SMARCA4: variants seen among roughly 807,000 people sequenced by gnomAD.
SMARCA4 encodes the protein SWI/SNF-related matrix-associated actin-dependent regulator of chromatin subfamily A member 4.
Under a neutral mutation model 193.9 loss-of-function variants are expected in SMARCA4, and 31 were observed. The observed-to-expected ratio is 0.16, with a 90% CI of 0.12 to 0.22. SMARCA4 has a LOEUF of 0.22. Ranked by LOEUF, SMARCA4 falls within the 10% of genes least tolerant of loss-of-function variation. SMARCA4 has a pLI of 1.00. For synonymous variants in SMARCA4, 942 were observed against 933.1 expected (o/e 1.01, Z -0.17); for missense variants, 1,148 against 2,296.0 (o/e 0.50, Z 10.22).
At chr19:10,963,470 C>T (rs2083973137) in intron 1 of SMARCA4, among the ~76,000 whole-genome samples, 1 of 151,784 alleles carries the variant, frequency 6.6e-6, no homozygotes, top group Non-Finnish European at 1.5e-5. Context: ...TTTGCACTTT[C>T]CAAGCCATTG....
chr19:11,026,074 G>T (rs934101191), intron 22 of SMARCA4, among the ~76,000 whole-genome samples: 1 of 152,246 alleles, frequency 6.6e-6, no homozygotes, highest in Non-Finnish European at 1.5e-5. Context: ...GAAGAGTGCT[G>T]TATGGGATGT....
At chr19:10,996,712 ATGT>A (rs1184399818) in intron 11 of SMARCA4, among the ~76,000 whole-genome samples, 168 bp downstream of exon 11, 1 of 150,772 alleles carries the variant, frequency 6.6e-6, no homozygotes, top group African/African-American at 2.4e-5. Context: ...CACATCCCAC[ATGT>A]TGTGTTTTCT....
chr19:11,039,775 C>CA lies in SMARCA4; in HGVS notation c.4171-1531dup, dbSNP rs538795103. The CA allele has an allele frequency of 4.0e-5, 14 of 350,960 alleles. No individual in the cohort carries two copies. In the South Asian group the frequency reaches 5.4e-4, roughly 14 times the overall value. The allele number at this position is 350,960 out of a possible 1,614,324, so 21.7% of individuals were successfully genotyped here. On this transcript the variant is annotated intron_variant, in intron 29 of 34. Transcript: ENST00000344626. ...TCCAACCAGGGCAATGTAGCAAGAC[C>CA]ACATGTCTAAGAAAATTTAAAAATC...
chr19:11,035,272 C>A, intron 29 of SMARCA4, 140 bp downstream of exon 29: 1 of 819,582 alleles, frequency 1.2e-6, no homozygotes, highest in Non-Finnish European at 2.1e-6. Flanking sequence ...CGCAGGCAGC[C>A]GAGAGCCTTC....
rs2076928520 is a variant in SMARCA4 at position 11,062,128 on chromosome 19, C to T, written c.*312C>T. 1 of 490,040 alleles carries T rather than the reference C, an allele frequency of 2.0e-6. No individual in the cohort carries two copies. Among genetic ancestry groups the T allele is most frequent in the Admixed American group, 3.3e-5 (1 of 30,332 alleles). The allele number at this position is 490,040 out of a possible 1,614,324, so 30.4% of individuals were successfully genotyped here. ...GTACTGTTGCGCCGCAGTTTGGAGTCACTGTAGTTAAGTGTGGATGCATGT... is the reference window on the plus strand; with the variant it reads ...GTACTGTTGCGCCGCAGTTTGGAGTTACTGTAGTTAAGTGTGGATGCATGT... On this transcript the variant is annotated 3_prime_UTR_variant, in exon 35 of 35. Coordinates refer to ENST00000344626, the MANE Select transcript of SMARCA4 (RefSeq NM_003072.5).
At chr19:11,011,086 T>G in intron 15 of SMARCA4, 1 of 205,150 alleles carries the variant, frequency 4.9e-6, no homozygotes, top group Non-Finnish European at 1.0e-5. Flanking sequence ...TGGGCCTGAC[T>G]TGGGACAGTC....
In SMARCA4 at chr19:11,014,462, G is replaced by A. The variant is rs573134677; in HGVS notation, c.2438+1350G>A. ...GGAGCAGGGCGTCCTTGTGCACAGC[G>A]CTGCAGGTAGCTGCACCTCCCCTCG... On this transcript the variant is annotated intron_variant, in intron 16 of 34. Transcript: ENST00000344626. 1.2e-3 allele frequency among the ~76,000 whole-genome samples: 182 copies of A among 152,300 alleles called. 1 individual carries two copies. The highest frequency in any genetic ancestry group is 4.0e-3 in the African/African-American group (166 of 41,552).
chr19:10,968,150 C>T (rs545949397), intron 1 of SMARCA4, among the ~76,000 whole-genome samples: 49 of 152,238 alleles, frequency 3.2e-4, no homozygotes, highest in African/African-American at 1.1e-3. Flanking sequence ...TGCGCCCGGC[C>T]AGTAATTTTG....
At position 11,058,374 on chromosome 19, in the gene SMARCA4, CGTT is replaced by C. The variant is rs747806032; in HGVS notation, c.4533+14_4533+16del. ...TTCAAGAAGATAAAGGTAACCCTGA[CGTT>C]GTACCTGCGCCCCGCATGTGCCCGG... On this transcript the variant is annotated intron_variant, in intron 31 of 34. Coordinates refer to ENST00000344626, the MANE Select transcript of SMARCA4 (RefSeq NM_003072.5). The surrounding 1 kb of genome is among the most constrained non-coding windows in gnomAD (Gnocchi z 5.8). 1.5e-5 allele frequency: 23 copies of C among 1,567,534 alleles called. No individual in the cohort carries two copies. The East Asian group carries it at 1.8e-4, about 12-fold the overall frequency.
At chr19:11,024,306 C>A (rs368665409) in intron 20 of SMARCA4, 25 bp from the exon 21 acceptor site, 1 of 1,557,170 alleles carries the variant, frequency 6.4e-7, no homozygotes, top group Non-Finnish European at 8.9e-7. Flanking sequence ...CTTGGGCCCT[C>A]GTGAGCATTA....
Position 10,985,155 on chromosome 19 carries a change from C to G in SMARCA4, c.223-118C>G. 9.9e-7 allele frequency: 1 copy of G among 1,009,840 alleles called. No individual in the cohort carries two copies. The highest frequency in any genetic ancestry group is 1.3e-5 in the South Asian group (1 of 76,384). The allele number at this position is 1,009,840 out of a possible 1,614,324, so 62.6% of individuals were successfully genotyped here. On this transcript the variant is annotated intron_variant, in intron 2 of 34. Transcript: ENST00000344626. This position sits in a 1 kb window ranked among gnomAD's most constrained non-coding sequence, Gnocchi z 4.5. The stretch of plus-strand genomic sequence containing the variant: ...AGTCATGCTGGGGACTGGGGAGATG[C>G]GCGTCATCTTCGGGTGGCTGTTCTC...
rs1021051639 is a variant in SMARCA4 at position 11,019,935 on chromosome 19, C to T, written c.2616+234C>T. 5.3e-5 allele frequency among the ~76,000 whole-genome samples: 8 copies of T among 152,276 alleles called. No individual in the cohort carries two copies. Among genetic ancestry groups the T allele is most frequent in the African/African-American group, 1.9e-4 (8 of 41,482 alleles). ...GGCCCAGAAGCTGGGGCCATCTACA[C>T]AGCATGCGCTCTGCCTCCTCTCGGG... On this transcript the variant is annotated intron_variant, in intron 18 of 34. Coordinates refer to ENST00000344626, the MANE Select transcript of SMARCA4 (RefSeq NM_003072.5). The surrounding 1 kb of genome is among the most constrained non-coding windows in gnomAD (Gnocchi z 6.1).
intron 1 of SMARCA4, among the ~76,000 whole-genome samples, chr19:10,980,437 C>T (rs776629784): frequency 6.6e-6 from 1 of 152,184 alleles, no homozygotes; most frequent in South Asian, 2.1e-4. Flanking sequence ...GTGACGGCAT[C>T]GCATGATTTG....
intron 11 of SMARCA4, among the ~76,000 whole-genome samples, chr19:10,997,470 C>T (rs1040837766): frequency 1.3e-5 from 2 of 152,068 alleles, no homozygotes; most frequent in Non-Finnish European, 2.9e-5. Flanking sequence ...GGATTACAGG[C>T]TTGATCCACC....
chr19:11,000,616 C>T (rs779589035), intron 11 of SMARCA4, among the ~76,000 whole-genome samples: 13 of 152,012 alleles, frequency 8.6e-5, no homozygotes, highest in Non-Finnish European at 1.8e-4. Flanking sequence ...TGCGGTGGCT[C>T]ACATCTGTAA....
intron 18 of SMARCA4, among the ~76,000 whole-genome samples, chr19:11,020,057 A>T (rs76396558): frequency 1.6e-3 from 242 of 152,156 alleles, no homozygotes; most frequent in African/African-American, 5.5e-3. Flanking sequence ...CTCCTGTCTC[A>T]TTGCCTTGGC....
intron 32 of SMARCA4, chr19:11,059,204 A>T (rs1427734114): frequency 1.1e-5 from 4 of 354,728 alleles, no homozygotes; most frequent in Non-Finnish European, 5.3e-6. Context: ...AAAGATAGGC[A>T]CAACAGAAGA....
rs1599931746 is a variant in SMARCA4, at chr19:10,984,487, T to C, written c.222+114T>C. 2.0e-6 allele frequency: 3 copies of C among 1,531,942 alleles called. No homozygotes were observed. Among genetic ancestry groups the C allele is most frequent in the Non-Finnish European group, 2.6e-6 (3 of 1,134,212 alleles). The allele number at this position is 1,531,942 out of a possible 1,614,324, so 94.9% of individuals were successfully genotyped here. ...TGGGGGGAAGCCTTCTTGTTGGAGG[T>C]GTCCTGCCTTGGCTCAGCCCCCTAC... On this transcript the variant is annotated intron_variant, in intron 2 of 34. Transcript: ENST00000344626. This position sits in a 1 kb window ranked among gnomAD's most constrained non-coding sequence, Gnocchi z 4.3.
At chr19:11,060,549 C>T in intron 34 of SMARCA4, 1 of 409,246 alleles carries the variant, frequency 2.4e-6, no homozygotes. Flanking sequence ...GATTGGGGAC[C>T]CACCAGACAG....
Sources: allele counts gnomAD v4.1 joint callset (sites outside exome capture counted in the v4.1 genomes callset), GRCh38; gene constraint gnomAD v4.1.1; non-coding constraint Gnocchi (gnomAD v3.1); transcripts MANE v1.5; gene names NCBI Gene and HGNC (gene_info 2026-07-23, HGNC 2026-07-21).